Variants in MYBPC1 observed in about 807,000 individuals in gnomAD.
MYBPC1 encodes myosin binding protein C1, also known as myosin-binding protein C, slow-type.
Under a neutral mutation model 147.1 loss-of-function variants are expected in MYBPC1, and 52 were observed. The observed-to-expected ratio is 0.35, with a 90% CI of 0.28 to 0.45. The LOEUF (loss-of-function observed/expected upper bound fraction) is 0.45, where lower values mean the gene tolerates loss of function less well. Ranked by LOEUF, MYBPC1 falls within the 20% of genes least tolerant of loss-of-function variation. The pLI is 1.00. For synonymous variants in MYBPC1, 477 were observed against 475.9 expected (o/e 1.00, Z -0.03); for missense variants, 1,228 against 1,440.3 (o/e 0.85, Z 2.39).
chr12:101,672,195 C>T (rs1898883806), intron 24 of MYBPC1, among the ~76,000 whole-genome samples: 1 of 152,242 alleles, frequency 6.6e-6, no homozygotes, highest in Non-Finnish European at 1.5e-5. Context: ...ACGTCGTTCT[C>T]TGCTTCCCAT....
the MYBPC1 span, among the ~76,000 whole-genome samples, chr12:101,691,485 T>C: frequency 2.0e-5 from 3 of 152,310 alleles, no homozygotes; most frequent in Admixed American, 2.0e-4. Flanking sequence ...CTATATGACA[T>C]GATTTAATAT....
At chr12:101,646,638 C>CAAAA in intron 12 of MYBPC1, 125 bp from the exon 13 acceptor site, 1 of 1,103,020 alleles carries the variant, frequency 9.1e-7, no homozygotes, top group South Asian at 1.4e-5. Flanking sequence ...GACCCTGTCT[C>CAAAA]AAAAAAAAAC....
intron 20 of MYBPC1, among the ~76,000 whole-genome samples, chr12:101,662,083 CA>C (rs1482065810): frequency 6.6e-6 from 1 of 152,026 alleles, no homozygotes; most frequent in African/African-American, 2.4e-5. Flanking sequence ...TGTTCACCTA[CA>C]GTGACTAAGT....
intron 15 of MYBPC1, 162 bp from the exon 16 acceptor site, chr12:101,651,069 T>C: frequency 1.2e-6 from 1 of 803,466 alleles, no homozygotes; most frequent in Non-Finnish European, 2.1e-6. Flanking sequence ...TTGTACAGAA[T>C]CAAATGTGAA....
intron 15 of MYBPC1, 176 bp from the exon 16 acceptor site, chr12:101,651,055 G>A (rs1894334739): frequency 1.3e-6 from 1 of 746,502 alleles, no homozygotes; most frequent in African/African-American, 1.8e-5. Context: ...TCTAAGGAAT[G>A]AAATTGTACA....
chr12:101,595,324 T>C (rs1876769422), intron 1 of MYBPC1, among the ~76,000 whole-genome samples: 2 of 152,192 alleles, frequency 1.3e-5, no homozygotes, highest in African/African-American at 2.4e-5. Context: ...TGACTAAAAT[T>C]ATCAAATGAT....
intron 24 of MYBPC1, among the ~76,000 whole-genome samples, 196 bp downstream of exon 24, chr12:101,670,605 C>T (rs967477984): frequency 5.3e-5 from 8 of 152,206 alleles, no homozygotes; most frequent in African/African-American, 1.4e-4. Flanking sequence ...CTATAGAAAC[C>T]ATCACAGATT....
intron 25 of MYBPC1, among the ~76,000 whole-genome samples, chr12:101,674,830 T>G (rs572571138): frequency 8.6e-6 from 1 of 115,638 alleles, no homozygotes; most frequent in South Asian, 2.9e-4. Context: ...ACCACTGCAC[T>G]CAGCCTGGGT....
intron 29 of MYBPC1, 32 bp downstream of exon 29, chr12:101,680,561 A>C (rs745594756): frequency 3.7e-6 from 6 of 1,604,894 alleles, no homozygotes; most frequent in Non-Finnish European, 5.1e-6. Context: ...GTATAGACTA[A>C]AGTTAAAGAA....
intron 12 of MYBPC1, 110 bp downstream of exon 12, chr12:101,644,906 A>T (rs1404560760): frequency 1.8e-6 from 2 of 1,094,046 alleles, no homozygotes; most frequent in Non-Finnish European, 2.7e-6. Flanking sequence ...ATAATACAAA[A>T]TCATATGGAG....
Position 101,646,845 on chromosome 12 carries a change from A to G in MYBPC1, c.1048A>G (p.Thr350Ala). 1 of 1,614,142 alleles carries G rather than the reference A, an allele frequency of 6.2e-7. No homozygotes were observed. Among genetic ancestry groups the G allele is most frequent in the Non-Finnish European group, 8.5e-7 (1 of 1,179,966 alleles). Residue 350 changes from threonine to alanine, a missense_variant, in exon 13 of 32, where the codon ACA (threonine) becomes GCA (alanine). Physicochemically the swap from Thr to Ala is moderately conservative, Grantham distance 58. Coordinates refer to ENST00000361466, the MANE Select transcript of MYBPC1 (RefSeq NM_002465.4). ...QMTDDSEYYV[T>A]AGDEKCSTEL... ...GACAGATGATTCAGAGTATTATGTG[A>G]CAGCCGGTGATGAGAAATGTTCCAC...
chr12:101,636,525 T>C, intron 9 of MYBPC1, 147 bp from the exon 10 acceptor site: 1 of 714,514 alleles, frequency 1.4e-6, no homozygotes, highest in Non-Finnish European at 2.6e-6. Context: ...ACTTAACATG[T>C]CACTTGTGTG....
In MYBPC1 at chr12:101,682,640, T is replaced by G. The variant is rs1289405185; in HGVS notation, c.3470T>G (p.Val1157Gly). Residue 1157 changes from valine (V) to glycine (G), a missense_variant, in exon 30 of 32, where the codon GTC becomes GGC. Physicochemically the swap from Val to Gly is moderately radical, Grantham distance 109. Around this residue, in one of 2 missense-constraint regions of MYBPC1, gnomAD observed 1,077 missense variants for 1,314.2 expected, o/e 0.82. Transcript: ENST00000361466. ...YQGVNTPGQP[V>G]FLEGQQQSLH... The stretch of plus-strand genomic sequence containing the variant: ...GGAGTAAATACCCCTGGACAACCAG[T>G]CTTCCTGGAGGGGCAGCAACAGGTT... The G allele has an allele frequency of 6.2e-7, 1 of 1,613,314 alleles. No homozygotes were observed.
chr12:101,644,688 CAT>C lies in MYBPC1; in HGVS notation c.860_861del (p.Tyr287SerfsTer3). 1 of 1,613,854 alleles carries C rather than the reference CAT, an allele frequency of 6.2e-7. No individual in the cohort carries two copies. The highest frequency in any genetic ancestry group is 8.5e-7 in the Non-Finnish European group (1 of 1,179,806). ...GCTTTTGCAAAAATTCTTGATCCTG[CAT>C]ATCAGGTTGACAAAGGAGGCAGAGT... is the stretch of plus-strand genomic sequence containing the variant. On this transcript the variant is annotated frameshift_variant, in exon 12 of 32. Coordinates refer to ENST00000361466, the MANE Select transcript of MYBPC1 (RefSeq NM_002465.4). LOFTEE classifies it high-confidence loss of function.
At chr12:101,629,392 C>A (rs377710340) in intron 5 of MYBPC1, 42 bp from the exon 6 acceptor site, 5 of 1,353,572 alleles carry the variant, frequency 3.7e-6, no homozygotes, top group East Asian at 4.6e-5. Flanking sequence ...CTAAGAAGAG[C>A]CTGGCCCTGA....
downstream of MYBPC1, among the ~76,000 whole-genome samples, chr12:101,686,735 T>C (rs1392068478): frequency 6.6e-6 from 1 of 152,196 alleles, no homozygotes; most frequent in African/African-American, 2.4e-5. Context: ...ATTTTAAACA[T>C]ATCTGCTCTT....
At chr12:101,640,671 AAG>A (rs1252505764) in intron 10 of MYBPC1, among the ~76,000 whole-genome samples, 1 of 152,158 alleles carries the variant, frequency 6.6e-6, no homozygotes, top group Non-Finnish European at 1.5e-5. Context: ...ACTGGGCAAA[AAG>A]ACTTACATGG....
rs139321395 is a variant in MYBPC1, at chr12:101,675,951, C to A, written c.2949+520C>A. Among the ~76,000 whole-genome samples the A allele has an allele frequency of 2.0e-5, 3 of 152,206 alleles. 1 individual carries two copies. The highest frequency in any genetic ancestry group is 1.3e-4 in the Admixed American group (2 of 15,276). On this transcript the variant is annotated intron_variant, in intron 26 of 31. Transcript: ENST00000361466. ...TACAAGGTTACAGCATGTGCAAATG[C>A]GGAAAGGTCTGGAGAAAAAGAGCTT...
At chr12:101,628,656 A>G (rs1417907953) in intron 5 of MYBPC1, among the ~76,000 whole-genome samples, 2 of 152,226 alleles carry the variant, frequency 1.3e-5, no homozygotes, top group South Asian at 2.1e-4. Flanking sequence ...GGAAATATCT[A>G]CAGTTCTCTC....
Sources: allele counts gnomAD v4.1 joint callset (sites outside exome capture counted in the v4.1 genomes callset), GRCh38; gene constraint gnomAD v4.1.1; regional missense constraint gnomAD v4.1.1; transcripts MANE v1.5; gene names NCBI Gene and HGNC (gene_info 2026-07-23, HGNC 2026-07-21).